The following RBMS3 variants were observed in gnomAD, a reference collection of about 807,000 sequenced individuals.
The protein encoded by RBMS3 is RNA-binding motif, single-stranded-interacting protein 3.
In RBMS3, 27 loss-of-function variants were observed where a neutral mutation model predicts 66.8. That is an observed-to-expected ratio of 0.40 (90% CI 0.30 to 0.56). The LOEUF is 0.56. Ranked by LOEUF, RBMS3 falls within the 20% of genes least tolerant of loss-of-function variation. The pLI is 0.40. For synonymous variants in RBMS3, 188 were observed against 183.0 expected (o/e 1.03, Z -0.22); for missense variants, 513 against 549.5 (o/e 0.93, Z 0.66).
chr3:29,660,916 C>G (rs1167785389), intron 4 of RBMS3, among the ~76,000 whole-genome samples: 1 of 152,208 alleles, frequency 6.6e-6, no homozygotes, highest in Non-Finnish European at 1.5e-5. Context: ...AGAAGTGCAA[C>G]AGTTATGACA....
At chr3:29,665,917 C>A (rs1289269464) in intron 4 of RBMS3, among the ~76,000 whole-genome samples, 1 of 152,046 alleles carries the variant, frequency 6.6e-6, no homozygotes, top group Admixed American at 6.6e-5. Flanking sequence ...AATAAAATTC[C>A]TTACAATGAC....
intron 1 of RBMS3, among the ~76,000 whole-genome samples, chr3:29,362,121 G>A (rs376983252): frequency 2.2e-4 from 34 of 152,276 alleles, no homozygotes; most frequent in East Asian, 1.9e-3. Context: ...GAGGAGAGGC[G>A]CTCTGATTTT....
At chr3:29,442,245 G>T (rs1311646231) in intron 2 of RBMS3, among the ~76,000 whole-genome samples, 1 of 152,008 alleles carries the variant, frequency 6.6e-6, no homozygotes, top group Non-Finnish European at 1.5e-5. Flanking sequence ...GTGAACAAAA[G>T]TCCAGTGAGT....
At chr3:29,994,251 A>G (rs1335749709) in intron 14 of RBMS3, among the ~76,000 whole-genome samples, 1 of 152,180 alleles carries the variant, frequency 6.6e-6, no homozygotes, top group Admixed American at 6.5e-5. Flanking sequence ...CCACAAGATT[A>G]TATCCCGCAC....
intron 6 of RBMS3, among the ~76,000 whole-genome samples, chr3:29,767,895 A>T (rs1055392617): frequency 5.9e-5 from 9 of 152,008 alleles, no homozygotes; most frequent in Non-Finnish European, 5.9e-5. Context: ...CAATAGTAAC[A>T]GTCTATTAAG....
chr3:29,546,937 C>A (rs946920734), intron 3 of RBMS3, among the ~76,000 whole-genome samples: 2 of 152,252 alleles, frequency 1.3e-5, no homozygotes, highest in Admixed American at 1.3e-4. Context: ...TTTATTTAGA[C>A]ATTTAGACCT....
intron 1 of RBMS3, among the ~76,000 whole-genome samples, chr3:29,433,886 G>T (rs746586589): frequency 3.3e-5 from 5 of 152,144 alleles, no homozygotes; most frequent in Non-Finnish European, 7.3e-5. Context: ...CTCCCAGGGG[G>T]AGATTCCTAC....
chr3:29,527,223 C>T (rs1415107982), intron 3 of RBMS3, among the ~76,000 whole-genome samples: 4 of 132,650 alleles, frequency 3.0e-5, no homozygotes, highest in African/African-American at 1.2e-4. Flanking sequence ...TGGAAAGTAG[C>T]CACTTAAATG....
At chr3:29,593,564 G>T (rs1291054295) in intron 4 of RBMS3, among the ~76,000 whole-genome samples, 1 of 152,158 alleles carries the variant, frequency 6.6e-6, no homozygotes, top group Non-Finnish European at 1.5e-5. Flanking sequence ...GGCTATCTGG[G>T]GATGCTAATG....
At chr3:29,525,460 C>G (rs2045056882) in intron 3 of RBMS3, among the ~76,000 whole-genome samples, 1 of 152,174 alleles carries the variant, frequency 6.6e-6, no homozygotes, top group Non-Finnish European at 1.5e-5. Flanking sequence ...TCAGCTGGCC[C>G]TCCATCAAGC....
chr3:29,392,902 G>C (rs1200509759), intron 1 of RBMS3, among the ~76,000 whole-genome samples: 1 of 144,604 alleles, frequency 6.9e-6, no homozygotes, highest in Non-Finnish European at 1.5e-5. Context: ...AGTGTCTACA[G>C]AAAAAAAAAA....
At chr3:29,854,014 TTTTG>T (rs772753875) in intron 6 of RBMS3, among the ~76,000 whole-genome samples, 13 of 152,280 alleles carry the variant, frequency 8.5e-5, no homozygotes, top group African/African-American at 2.2e-4. Context: ...GACCATACTG[TTTTG>T]TTTGTTTGTT....
chr3:29,558,551 A>G (rs9846330), intron 3 of RBMS3, among the ~76,000 whole-genome samples: 7,979 of 152,298 alleles, frequency 0.052, 332 homozygotes, highest in African/African-American at 0.12. Flanking sequence ...ATTTCAAAGA[A>G]TGATGAAGCA....
intron 2 of RBMS3, among the ~76,000 whole-genome samples, chr3:29,473,907 A>G (rs554942596): frequency 1.3e-5 from 2 of 152,320 alleles, no homozygotes; most frequent in East Asian, 3.9e-4. Flanking sequence ...CTGCAAGCTG[A>G]GGGAGCCAGC....
In RBMS3 at chr3:29,559,510, C is replaced by CAAAAAAAAAAAAAAAAAAAAAA. The variant is rs553520590; in HGVS notation, c.308-27582_308-27561dup. 1.2e-4 allele frequency among the ~76,000 whole-genome samples: 5 copies of CAAAAAAAAAAAAAAAAAAAAAA among 41,370 alleles called. 1 individual carries two copies. The highest frequency in any genetic ancestry group is 1.5e-4 in the African/African-American group (2 of 13,396). 27.1% of individuals were successfully genotyped at this position (41,370 alleles called of 152,430 possible). A position where few individuals can be genotyped will look rare whatever the true frequency, so the allele number is the denominator to read the frequency against. On this transcript the variant is annotated intron_variant, in intron 3 of 14. Transcript: ENST00000383767. ...TGGGTGACAGAGGAAGACTCTGTCT[C>CAAAAAAAAAAAAAAAAAAAAAA]AAAAAAAAAAAAAAAAAAAAAAAAA...
rs75162499 is a variant in RBMS3, at chr3:29,954,566, G to T, written c.1098+10312G>T. 5.1e-4 allele frequency among the ~76,000 whole-genome samples: 78 copies of T among 152,032 alleles called. No homozygotes were observed. The East Asian group carries it at 6.8e-3, about 13-fold the overall frequency. Reference sequence around the variant, plus strand: ...ACCATATGATTTAATATTATACTAAGCTTAGAGTAGGACAGGAAATCTTTT... The same window carrying T: ...ACCATATGATTTAATATTATACTAATCTTAGAGTAGGACAGGAAATCTTTT... On this transcript the variant is annotated intron_variant, in intron 12 of 14. Coordinates refer to ENST00000383767, the MANE Select transcript of RBMS3 (RefSeq NM_001003793.3).
chr3:29,893,126 G>C (rs1041500712), intron 8 of RBMS3, among the ~76,000 whole-genome samples: 15 of 151,430 alleles, frequency 9.9e-5, no homozygotes, highest in African/African-American at 3.6e-4. Context: ...AGAATTAGGA[G>C]ATCAAGACGG....
chr3:29,944,149 C>T, intron 11 of RBMS3, 58 bp from the exon 12 acceptor site: 1 of 1,470,262 alleles, frequency 6.8e-7, no homozygotes. Flanking sequence ...AGGGCTGATT[C>T]TATTTTATTT....
intron 1 of RBMS3, among the ~76,000 whole-genome samples, chr3:29,344,862 A>G (rs1179733482): frequency 6.6e-6 from 1 of 152,198 alleles, no homozygotes; most frequent in African/African-American, 2.4e-5. Flanking sequence ...TTTTCTCCAT[A>G]AGGAACTTCT....
Sources: allele counts gnomAD v4.1 joint callset (sites outside exome capture counted in the v4.1 genomes callset), GRCh38; gene constraint gnomAD v4.1.1; transcripts MANE v1.5; gene names NCBI Gene and HGNC (gene_info 2026-07-23, HGNC 2026-07-21).